CEBPG: variants seen among roughly 807,000 people sequenced by gnomAD.
The protein encoded by CEBPG is CCAAT enhancer binding protein gamma.
In CEBPG, 6 loss-of-function variants were observed where a neutral mutation model predicts 11.1. The observed-to-expected ratio is 0.54, with a 90% confidence interval of 0.30 to 1.07. CEBPG has a LOEUF of 1.07. Among genes scored for constraint, CEBPG ranks in the 50% least tolerant of loss-of-function variants. The pLI is 0.07. For synonymous variants in CEBPG, 66 were observed against 71.0 expected, an observed-to-expected ratio of 0.93 and a Z score of 0.36; for missense variants, 161 against 187.4, an observed-to-expected ratio of 0.86 and a Z score of 0.82.
At position 33,379,830 on chromosome 19, in the gene CEBPG, A is replaced by T. The variant is rs1967963329; in HGVS notation, c.*138A>T. On this transcript the variant is annotated 3_prime_UTR_variant, in exon 2 of 2. Transcript: ENST00000284000. ...TTGGAGGCTATTTTCTGGGATCAGC[A>T]CTGAAGAGTTGATTAGCTAAAAATG... 1.4e-6 allele frequency: 1 copy of T among 725,286 alleles called. No individual in the cohort carries two copies. Among genetic ancestry groups the T allele is most frequent in the Non-Finnish European group, 2.2e-6 (1 of 450,696 alleles). The allele number at this position is 725,286 out of a possible 1,614,324, so 44.9% of individuals were successfully genotyped here.
At chr19:33,378,154 G>C (rs545921399) in intron 1 of CEBPG, among the ~76,000 whole-genome samples, 3 of 152,334 alleles carry the variant, frequency 2.0e-5, no homozygotes, top group African/African-American at 7.2e-5. Flanking sequence ...ACTTCTTGGG[G>C]CAGCTGTAGG....
Position 33,379,270 on chromosome 19 carries a change from C to G in CEBPG, c.31C>G (p.Pro11Ala), listed in dbSNP as rs191612367. ...CAAGATATCGCAGCAAAACAGCACT[C>G]CAGGGGTGAACGGAATTAGTGTTAT... MSKISQQNST[P>A]GVNGISVIHT... is the part of the protein sequence containing the mutation. The change falls in exon 2 of 2, where the codon CCA (proline) becomes GCA (alanine). Residue 11 changes from proline to alanine, a missense_variant. Physicochemically the swap from Pro to Ala is conservative, Grantham distance 27. Transcript: ENST00000284000. 7.9e-5 allele frequency: 124 copies of G among 1,578,854 alleles called. No individual in the cohort carries two copies. Among genetic ancestry groups the G allele is most frequent in the Non-Finnish European group, 1.0e-4 (116 of 1,161,832 alleles).
chr19:33,379,463 C>G lies in CEBPG; in HGVS notation c.224C>G (p.Ala75Gly). The G allele has an allele frequency of 6.2e-7, 1 of 1,613,984 alleles. No individual in the cohort carries two copies. The highest frequency in any genetic ancestry group is 8.5e-7 in the Non-Finnish European group (1 of 1,180,014). The change falls in exon 2 of 2, where the codon GCT becomes GGT. Residue 75 changes from alanine (A) to glycine (G), a missense_variant. By Grantham distance (60) the Ala-to-Gly change is moderately conservative (BLOSUM62 0). Coordinates refer to ENST00000284000, the MANE Select transcript of CEBPG (RefSeq NM_001806.4). ...CAACGCCGAGAGAGGAACAACATGG[C>G]TGTGAAAAAGAGCCGGTTGAAAAGC... ...YRQRRERNNM[A>G]VKKSRLKSKQ...
In CEBPG at chr19:33,381,222, G is replaced by T. The variant is rs969008746; in HGVS notation, c.*1530G>T. 5.4e-5 allele frequency: 9 copies of T among 166,964 alleles called. No homozygotes were observed. Among genetic ancestry groups the T allele is most frequent in the African/African-American group, 2.2e-4 (9 of 41,382 alleles). The allele number at this position is 166,964 out of a possible 1,614,324, so 10.3% of individuals were successfully genotyped here. A position where few individuals can be genotyped will look rare whatever the true frequency, so the allele number is the denominator to read the frequency against. The stretch of plus-strand genomic sequence containing the variant: ...TCTTATTTGAACATGGTCATTTTTG[G>T]CCACATTGCTGTTTCATACTAGGAC... On this transcript the variant is annotated 3_prime_UTR_variant, in exon 2 of 2. Transcript: ENST00000284000.
rs1967872837 is a variant in CEBPG at position 33,373,716 on chromosome 19, G to C, written c.-276G>C. The C allele has an allele frequency of 6.6e-6, 1 of 151,760 alleles. No individual in the cohort carries two copies. The allele number at this position is 151,760 out of a possible 1,614,324, so 9.4% of individuals were successfully genotyped here. On this transcript the variant is annotated 5_prime_UTR_variant, in exon 1 of 2. Transcript: ENST00000284000. ...CGGGATGGCGGCGGCGGCGCGCGCG[G>C]CCCCGGCGAGCAGGGGAAGCCGGTG...
chr19:33,374,658 G>A (rs999441399), intron 1 of CEBPG: 4 of 152,288 alleles, frequency 2.6e-5, no homozygotes, highest in Non-Finnish European at 5.9e-5. Context: ...GCGGGGGGAG[G>A]AGAGTGTTTT....
chr19:33,374,105 C>T (rs1967879829), intron 1 of CEBPG, among the ~76,000 whole-genome samples: 1 of 149,694 alleles, frequency 6.7e-6, no homozygotes, highest in Non-Finnish European at 1.5e-5. Context: ...GGCGGGGACG[C>T]TGAGCTCATT....
At chr19:33,377,050 C>T (rs1967919789) in intron 1 of CEBPG, among the ~76,000 whole-genome samples, 1 of 152,238 alleles carries the variant, frequency 6.6e-6, no homozygotes, top group Non-Finnish European at 1.5e-5. Flanking sequence ...TTTAAAACCT[C>T]ACCTACCACA....
rs1323437371 is a variant in CEBPG at position 33,381,498 on chromosome 19, T to TG, written c.*1808dup. ...TCTAGGGTCCAACACCAGCTTACCT[T>TG]GGAGTATGAATCTACCCATGAAGGA... is the stretch of plus-strand genomic sequence containing the variant. On this transcript the variant is annotated 3_prime_UTR_variant, in exon 2 of 2. Coordinates refer to ENST00000284000, the MANE Select transcript of CEBPG (RefSeq NM_001806.4). The TG allele has an allele frequency of 1.2e-5, 2 of 166,922 alleles. No individual in the cohort carries two copies. The highest frequency in any genetic ancestry group is 2.9e-5 in the Non-Finnish European group (2 of 68,124). 10.3% of individuals were successfully genotyped at this position (166,922 alleles called of 1,614,324 possible).
rs774705007 is a variant in CEBPG at position 33,379,271 on chromosome 19, C to T, written c.32C>T (p.Pro11Leu). The T allele has an allele frequency of 1.0e-5, 16 of 1,578,794 alleles. No individual in the cohort carries two copies. Among genetic ancestry groups the T allele is most frequent in the African/African-American group, 1.4e-5 (1 of 73,456 alleles). Residue 11 changes from proline (P) to leucine (L), a missense_variant, in exon 2 of 2, where the codon CCA becomes CTA. Transcript: ENST00000284000. MSKISQQNST[P>L]GVNGISVIHT... ...AAGATATCGCAGCAAAACAGCACTC[C>T]AGGGGTGAACGGAATTAGTGTTATC...
At chr19:33,376,729 G>A (rs1299608799) in intron 1 of CEBPG, among the ~76,000 whole-genome samples, 1 of 152,194 alleles carries the variant, frequency 6.6e-6, no homozygotes, top group African/African-American at 2.4e-5. Flanking sequence ...TGTCCACAGA[G>A]GAGCCAGACT....
intron 1 of CEBPG, among the ~76,000 whole-genome samples, 183 bp downstream of exon 1, chr19:33,374,078 A>C (rs1967879502): frequency 6.7e-6 from 1 of 149,896 alleles, no homozygotes; most frequent in African/African-American, 2.4e-5. Context: ...GTCTGATGCA[A>C]CCTGCCGGCA....
intron 1 of CEBPG, among the ~76,000 whole-genome samples, chr19:33,375,620 C>T (rs1457105017): frequency 1.3e-5 from 2 of 152,110 alleles, no homozygotes; most frequent in African/African-American, 4.8e-5. Context: ...TGTTGATGTT[C>T]TTCTAATGCT....
At chr19:33,374,135 T>G (rs1005148322) in intron 1 of CEBPG, among the ~76,000 whole-genome samples, 1 of 148,482 alleles carries the variant, frequency 6.7e-6, no homozygotes. Flanking sequence ...GGCCCAGCGC[T>G]GCGGCGCCGC....
chr19:33,377,389 C>G (rs942868824), intron 1 of CEBPG, among the ~76,000 whole-genome samples: 3 of 152,006 alleles, frequency 2.0e-5, no homozygotes, highest in African/African-American at 7.3e-5. Context: ...TATCTCTGAG[C>G]ATGGACAAGT....
chr19:33,379,428 C>A lies in CEBPG; in HGVS notation c.189C>A (p.Asp63Glu), dbSNP rs774865863. The change falls in exon 2 of 2, where the codon GAC (aspartate) becomes GAA (glutamate). Residue 63 changes from aspartate (D) to glutamate (E), a missense_variant. Physicochemically the swap from Asp to Glu is conservative, Grantham distance 45 (BLOSUM62 2). Coordinates refer to ENST00000284000, the MANE Select transcript of CEBPG (RefSeq NM_001806.4). ...KKSSPMDRNSDEYRQRRERNN... is the reference protein window; with the variant it reads ...KKSSPMDRNSEEYRQRRERNN... ...GTTCGCCCATGGATCGAAACAGTGA[C>A]GAGTATCGGCAACGCCGAGAGAGGA... 6.2e-7 allele frequency: 1 copy of A among 1,613,770 alleles called. No homozygotes were observed.
intron 1 of CEBPG, among the ~76,000 whole-genome samples, chr19:33,374,160 G>A (rs1381908873): frequency 6.7e-6 from 1 of 149,732 alleles, no homozygotes; most frequent in Non-Finnish European, 1.5e-5. Flanking sequence ...CGACCCCCGC[G>A]CTGCCCGGGG....
chr19:33,379,804 A>G lies in CEBPG; in HGVS notation c.*112A>G, dbSNP rs1054728158. ...GTCCATTTCCATGACTCAAAGACCC[A>G]TTGGAGGCTATTTTCTGGGATCAGC... On this transcript the variant is annotated 3_prime_UTR_variant, in exon 2 of 2. Coordinates refer to ENST00000284000, the MANE Select transcript of CEBPG (RefSeq NM_001806.4). The G allele has an allele frequency of 2.1e-5, 20 of 952,664 alleles. No individual in the cohort carries two copies. The African/African-American group carries it at 2.5e-4, about 12-fold the overall frequency. The allele number at this position is 952,664 out of a possible 1,614,324, so 59.0% of individuals were successfully genotyped here.
chr19:33,379,793 C>G lies in CEBPG; in HGVS notation c.*101C>G. The G allele has an allele frequency of 4.6e-6, 5 of 1,090,842 alleles. No individual in the cohort carries two copies. Among genetic ancestry groups the G allele is most frequent in the Non-Finnish European group, 6.5e-6 (5 of 766,948 alleles). The allele number at this position is 1,090,842 out of a possible 1,614,324, so 67.6% of individuals were successfully genotyped here. On this transcript the variant is annotated 3_prime_UTR_variant, in exon 2 of 2. Coordinates refer to ENST00000284000, the MANE Select transcript of CEBPG (RefSeq NM_001806.4). ...GGCTGAAAGTTGTCCATTTCCATGA[C>G]TCAAAGACCCATTGGAGGCTATTTT... is the stretch of plus-strand genomic sequence containing the variant.
Sources: allele counts gnomAD v4.1 joint callset (sites outside exome capture counted in the v4.1 genomes callset), GRCh38; gene constraint gnomAD v4.1.1; transcripts MANE v1.5; gene names NCBI Gene and HGNC (gene_info 2026-07-23, HGNC 2026-07-21).